Variants in SLC16A7 observed in about 807,000 individuals in gnomAD.
SLC16A7 encodes monocarboxylate transporter 2.
Under a neutral mutation model 34.9 loss-of-function variants are expected in SLC16A7, and 33 were observed. The ratio of observed to expected loss-of-function variants is 0.94; its 90% CI spans 0.72 to 1.26. SLC16A7 has a LOEUF of 1.26. SLC16A7 is among the 50% of genes most tolerant of loss of function. The pLI is 0.00. For missense variants in SLC16A7, 573 were observed against 578.1 expected, an observed-to-expected ratio of 0.99 and a Z score of 0.09; for synonymous variants, 201 against 206.6, an observed-to-expected ratio of 0.97 and a Z score of 0.23.
intron 1 of SLC16A7, among the ~76,000 whole-genome samples, chr12:59,602,427 C>T (rs1207250496): frequency 6.7e-6 from 1 of 150,132 alleles, no homozygotes; most frequent in Non-Finnish European, 1.5e-5. Context: ...CTCCAGCTCG[C>T]CTTTCACCTC....
At chr12:59,648,915 T>G (rs1173974250) in intron 1 of SLC16A7, among the ~76,000 whole-genome samples, 3 of 152,104 alleles carry the variant, frequency 2.0e-5, no homozygotes, top group African/African-American at 7.2e-5. Context: ...CAATATTGAT[T>G]TTGGTGGGAT....
At chr12:59,700,091 C>T (rs929704807) in intron 2 of SLC16A7, among the ~76,000 whole-genome samples, 5 of 151,648 alleles carry the variant, frequency 3.3e-5, no homozygotes, top group African/African-American at 1.2e-4. Flanking sequence ...TGAGTTACAG[C>T]GCTATTCGCT....
chr12:59,625,155 T>G (rs1879872466), intron 1 of SLC16A7, among the ~76,000 whole-genome samples: 1 of 151,812 alleles, frequency 6.6e-6, no homozygotes, highest in African/African-American at 2.4e-5. Context: ...ACTCCAATAA[T>G]GAACTCAGAA....
chr12:59,633,835 T>C (rs907272004), intron 1 of SLC16A7, among the ~76,000 whole-genome samples: 2 of 151,854 alleles, frequency 1.3e-5, no homozygotes, highest in Non-Finnish European at 2.9e-5. Flanking sequence ...ATCACGAGAA[T>C]GGCATGGGGC....
At position 59,703,383 on chromosome 12, in the gene SLC16A7, C is replaced by T. The variant is rs1056015057; in HGVS notation, c.-30-1389C>T. On this transcript the variant is annotated intron_variant, in intron 2 of 5. Transcript: ENST00000547379. The stretch of plus-strand genomic sequence containing the variant: ...GCATTTATCATTTATACCTCTACTT[C>T]CTATAAAAGAGTAATTTGAGACTGC... Among the ~76,000 whole-genome samples, 8 of 151,998 alleles carry T rather than the reference C, an allele frequency of 5.3e-5. 1 individual carries two copies. In the Middle Eastern group the frequency reaches 0.014, roughly 264 times the overall value.
chr12:59,733,665 G>C, intron 3 of SLC16A7: 1 of 454,920 alleles, frequency 2.2e-6, no homozygotes, highest in Non-Finnish European at 4.4e-6. Flanking sequence ...TGGCAATCCC[G>C]GAGTGTTTCA....
chr12:59,775,446 G>T lies in SLC16A7; in HGVS notation c.1151G>T (p.Gly384Val), dbSNP rs1464397417. 6.2e-6 allele frequency: 10 copies of T among 1,613,768 alleles called. No individual in the cohort carries two copies. Among genetic ancestry groups the T allele is most frequent in the Non-Finnish European group, 8.5e-6 (10 of 1,179,754 alleles). ...GGACTTGTCACAATTGTGGAGTGTG[G>T]CCCAGTTCTTCTTGGCCCTCCTCTT... ...AVGLVTIVECGPVLLGPPLAG... is the reference protein window; with the variant it reads ...AVGLVTIVECVPVLLGPPLAG... Residue 384 changes from glycine to valine, a missense_variant, in exon 5 of 6, where the codon GGC (glycine) becomes GTC (valine). Gly to Val is a moderately radical substitution (Grantham distance 109). Coordinates refer to ENST00000547379, the MANE Select transcript of SLC16A7 (RefSeq NM_001270623.2).
Position 59,704,808 on chromosome 12 carries a change from C to T in SLC16A7, c.7C>T (p.Pro3Ser). Residue 3 changes from proline to serine, a missense_variant, in exon 3 of 6, where the codon CCA (proline) becomes TCA (serine). Transcript: ENST00000547379. MP[P>S]MPSAPPVHPP... The stretch of plus-strand genomic sequence containing the variant: ...TTCCACTAGAGGAGCAGAAATGCCA[C>T]CAATGCCAAGTGCCCCACCTGTGCA... 1 of 1,612,152 alleles carries T rather than the reference C, an allele frequency of 6.2e-7. No individual in the cohort carries two copies. Among genetic ancestry groups the T allele is most frequent in the Non-Finnish European group, 8.5e-7 (1 of 1,178,646 alleles).
intron 2 of SLC16A7, among the ~76,000 whole-genome samples, chr12:59,678,073 G>T (rs549882065): frequency 6.6e-6 from 1 of 152,200 alleles, no homozygotes; most frequent in African/African-American, 2.4e-5. Flanking sequence ...GTGAGCAAGT[G>T]TGGGGCTCAG....
chr12:59,748,887 C>T (rs1879190860), intron 3 of SLC16A7, among the ~76,000 whole-genome samples: 1 of 152,120 alleles, frequency 6.6e-6, no homozygotes. Context: ...AATGAAATAT[C>T]TAAATCCAGA....
intron 2 of SLC16A7, among the ~76,000 whole-genome samples, chr12:59,702,967 G>GA (rs1307331477): frequency 6.6e-6 from 1 of 151,800 alleles, no homozygotes; most frequent in African/African-American, 2.4e-5. Context: ...TTAAAAAATA[G>GA]AAAAAATACC....
intron 3 of SLC16A7, 76 bp from the exon 4 acceptor site, chr12:59,771,140 TCCA>T: frequency 7.1e-7 from 1 of 1,418,170 alleles, no homozygotes; most frequent in Non-Finnish European, 9.6e-7. Flanking sequence ...TTCTTGCCTT[TCCA>T]AATGATTGGA....
chr12:59,637,472 G>A (rs1202959014), intron 1 of SLC16A7, among the ~76,000 whole-genome samples: 9 of 147,020 alleles, frequency 6.1e-5, no homozygotes, highest in Admixed American at 6.1e-4. Flanking sequence ...TCTTCTTTCT[G>A]TTTTAGCATT....
rs1353527081 is a variant in SLC16A7, at chr12:59,774,902, A to G, written c.607A>G (p.Thr203Ala). 1.2e-6 allele frequency: 2 copies of G among 1,613,938 alleles called. No individual in the cohort carries two copies. The highest frequency in any genetic ancestry group is 2.7e-5 in the African/African-American group (2 of 75,040). Residue 203 changes from threonine (T) to alanine (A), a missense_variant, in exon 5 of 6, where the codon ACC (threonine) becomes GCC (alanine). By Grantham distance (58) the Thr-to-Ala change is moderately conservative. Transcript: ENST00000547379. Reference protein sequence around the residue: ...SLMRPLGPNQTTSKSKNKTGK... With the variant: ...SLMRPLGPNQATSKSKNKTGK... ...CATGAGACCCCTTGGACCCAATCAA[A>G]CCACTTCTAAGTCTAAAAATAAGAC...
Position 59,680,501 on chromosome 12 carries a change from A to G in SLC16A7, c.-30-24271A>G, listed in dbSNP as rs1473906605. Among the ~76,000 whole-genome samples, 8 of 152,172 alleles carry G rather than the reference A, an allele frequency of 5.3e-5. No individual in the cohort carries two copies. The East Asian group carries it at 1.3e-3, about 26-fold the overall frequency. ...TAGCCTCTACTCTTCAGAATAACTA[A>G]AATGAAAATTTCTCCACCTCTTACA... is the stretch of plus-strand genomic sequence containing the variant. On this transcript the variant is annotated intron_variant, in intron 2 of 5. Coordinates refer to ENST00000547379, the MANE Select transcript of SLC16A7 (RefSeq NM_001270623.2).
At chr12:59,634,484 T>C (rs1880327171) in intron 1 of SLC16A7, among the ~76,000 whole-genome samples, 1 of 151,930 alleles carries the variant, frequency 6.6e-6, no homozygotes, top group Non-Finnish European at 1.5e-5. Context: ...TAGGGGTTAG[T>C]AGGTGGAAAA....
intron 1 of SLC16A7, among the ~76,000 whole-genome samples, chr12:59,641,532 T>A (rs1273373308): frequency 6.7e-6 from 1 of 150,192 alleles, no homozygotes; most frequent in African/African-American, 2.5e-5. Flanking sequence ...ATATATATGA[T>A]AATTGTGCAA....
At chr12:59,612,408 G>A (rs2136968778) in intron 1 of SLC16A7, among the ~76,000 whole-genome samples, 1 of 152,280 alleles carries the variant, frequency 6.6e-6, no homozygotes, top group African/African-American at 2.4e-5. Context: ...GCATAGAGTG[G>A]GGGACCCTGG....
intron 1 of SLC16A7, among the ~76,000 whole-genome samples, chr12:59,618,628 A>G (rs1189766953): frequency 6.6e-6 from 1 of 151,928 alleles, no homozygotes; most frequent in Non-Finnish European, 1.5e-5. Context: ...CAAGTCCAAA[A>G]TACATCATAG....
Sources: gnomAD v4.1 joint callset for allele counts (sites outside exome capture counted in the v4.1 genomes callset) on GRCh38, gnomAD v4.1.1 for gene constraint, MANE v1.5 for transcripts, NCBI Gene and HGNC (gene_info 2026-07-23, HGNC 2026-07-21) for gene names.